LGALS8: variants seen among roughly 807,000 people sequenced by gnomAD.
LGALS8 encodes galectin-8.
Under a neutral mutation model 35.9 loss-of-function variants are expected in LGALS8, and 30 were observed. The observed-to-expected ratio is 0.83, with a 90% CI of 0.62 to 1.13. LGALS8 has a LOEUF of 1.13. Ranked by LOEUF, LGALS8 falls within the 50% of genes most tolerant of loss-of-function variation. The probability of loss-of-function intolerance (pLI) is 0.00; values close to 1 mark genes in which losing one functional copy is unlikely to be tolerated. For missense variants in LGALS8, 366 were observed against 388.7 expected, an observed-to-expected ratio of 0.94 and a Z score of 0.49; for synonymous variants, 138 against 136.1, an observed-to-expected ratio of 1.01 and a Z score of -0.10.
intron 8 of LGALS8, among the ~76,000 whole-genome samples, chr1:236,543,950 C>T (rs971941732): frequency 1.5e-3 from 220 of 147,566 alleles, no homozygotes; most frequent in Middle Eastern, 3.4e-3. Flanking sequence ...AACATCTTTT[C>T]TTTTTTTTTT....
intron 1 of LGALS8, 154 bp downstream of exon 1, chr1:236,524,215 C>T: frequency 2.2e-6 from 1 of 456,466 alleles, no homozygotes; most frequent in South Asian, 1.5e-5. Context: ...CCCGACCCGC[C>T]GGTCCTCACC....
Position 236,526,113 on chromosome 1 carries a change from C to A in LGALS8, c.43C>A (p.Pro15Thr). ...LNNLQNIIYN[P>T]VIPFVGTIPD... ...CAACCTACAGAATATCATCTATAAC[C>A]CGGTAACTGATTTCTATAAGATAAC... Residue 15 changes from proline (P) to threonine (T), a missense_variant and splice_region_variant, in exon 2 of 10, where the codon CCG (proline) becomes ACG (threonine). Physicochemically the swap from Pro to Thr is conservative, Grantham distance 38. Transcript: ENST00000366584. The surrounding 1 kb of genome is among the most constrained non-coding windows in gnomAD (Gnocchi z 4.6). 6.2e-7 allele frequency: 1 copy of A among 1,603,286 alleles called. No homozygotes were observed. Among genetic ancestry groups the A allele is most frequent in the Non-Finnish European group, 8.5e-7 (1 of 1,170,716 alleles).
At chr1:236,545,961 G>A (rs1662337254) in intron 9 of LGALS8, among the ~76,000 whole-genome samples, 1 of 152,194 alleles carries the variant, frequency 6.6e-6, no homozygotes. Flanking sequence ...GGGAAACAGA[G>A]GTGAGTGCTC....
At chr1:236,545,796 G>A (rs1024087618) in intron 9 of LGALS8, among the ~76,000 whole-genome samples, 2 of 152,104 alleles carry the variant, frequency 1.3e-5, no homozygotes, top group African/African-American at 2.4e-5. Context: ...TATTGGTTTG[G>A]AATTCAGAAA....
intron 2 of LGALS8, among the ~76,000 whole-genome samples, chr1:236,528,708 A>AT (rs1389830918): frequency 6.7e-6 from 1 of 149,490 alleles, no homozygotes; most frequent in African/African-American, 2.5e-5. Flanking sequence ...TAATTTTTGT[A>AT]TTTTTTTTGG....
intron 2 of LGALS8, among the ~76,000 whole-genome samples, chr1:236,536,002 A>G (rs990477780): frequency 6.6e-6 from 1 of 152,212 alleles, no homozygotes; most frequent in Non-Finnish European, 1.5e-5. Context: ...GTTCTGCCCC[A>G]TGCAGCTCAC....
upstream of LGALS8, among the ~76,000 whole-genome samples, chr1:236,521,429 T>C (rs769253437): frequency 2.2e-4 from 34 of 151,812 alleles, no homozygotes; most frequent in Non-Finnish European, 4.0e-4. Context: ...GCAGAAAAAG[T>C]GAGAAGGAAA....
chr1:236,536,408 G>A (rs1226810623), intron 2 of LGALS8: 1 of 152,364 alleles, frequency 6.6e-6, no homozygotes, highest in African/African-American at 2.4e-5. Context: ...GTCATCTCTG[G>A]GGAAGGGGAA....
At chr1:236,537,033 T>TTTTTTTTTTTTTTTTG in intron 2 of LGALS8, among the ~76,000 whole-genome samples, 1 of 149,540 alleles carries the variant, frequency 6.7e-6, no homozygotes, top group African/African-American at 2.5e-5. Context: ...TTTTTTTTTT[T>TTTTTTTTTTTTTTTTG]TGAGACGGAG....
At position 236,526,431 on chromosome 1, in the gene LGALS8, T is replaced by C. The variant is rs934987056; in HGVS notation, c.45+316T>C. The C allele has an allele frequency of 1.4e-5, 3 of 214,140 alleles. No individual in the cohort carries two copies. The highest frequency in any genetic ancestry group is 6.8e-5 in the African/African-American group (3 of 44,070). The allele number at this position is 214,140 out of a possible 1,614,324, so 13.3% of individuals were successfully genotyped here. ...ATAAATTGTAGTTTTTAAAGGAAAA[T>C]GGATTTCTTACTCTACAAGTTTTTC... On this transcript the variant is annotated intron_variant, in intron 2 of 9. Transcript: ENST00000366584. The surrounding 1 kb of genome is among the most constrained non-coding windows in gnomAD (Gnocchi z 4.6).
chr1:236,532,013 T>C (rs1158562782), intron 2 of LGALS8, among the ~76,000 whole-genome samples: 3 of 152,156 alleles, frequency 2.0e-5, no homozygotes, highest in Admixed American at 6.5e-5. Flanking sequence ...ACTTGTGAAA[T>C]GTGGACTGCC....
In LGALS8 at chr1:236,551,003, A is replaced by AAAAAAAAAAAC; in HGVS notation, c.*2849_*2850insAAACAAAAAAA. ...TCTTCACATTCATCTAAAAAAAAAA[A>AAAAAAAAAAAC]AAAAAAATCAAAATTAAAATCTGAG... On this transcript the variant is annotated 3_prime_UTR_variant, in exon 10 of 10. Transcript: ENST00000366584. The AAAAAAAAAAAC allele has an allele frequency of 6.4e-7, 1 of 1,558,882 alleles. No homozygotes were observed. Among genetic ancestry groups the AAAAAAAAAAAC allele is most frequent in the Non-Finnish European group, 8.7e-7 (1 of 1,150,688 alleles).
chr1:236,542,668 G>A (rs570668210), intron 6 of LGALS8, 93 bp from the exon 7 acceptor site: 19 of 1,369,346 alleles, frequency 1.4e-5, no homozygotes, highest in Admixed American at 5.0e-5. Context: ...CCCAGGCTCC[G>A]GCCAGGCTCA....
In LGALS8 at chr1:236,543,045, G is replaced by A. The variant is rs149291953; in HGVS notation, c.549+258G>A. ...CCTATGAACTATGTGTCAAAGGTTT[G>A]AAGAGCACCAAATTTTCTTAACTCT... On this transcript the variant is annotated intron_variant, in intron 7 of 9. Transcript: ENST00000366584. 4.3e-6 allele frequency: 7 copies of A among 1,613,658 alleles called. No individual in the cohort carries two copies. In the African/African-American group the frequency reaches 8.0e-5, roughly 18 times the overall value.
At chr1:236,523,043 G>C (rs2252043), upstream of LGALS8, 123,981 of 152,224 alleles carry the variant, frequency 0.81, 50,633 homozygotes, top group Middle Eastern at 0.87. Flanking sequence ...GTCCCTAACA[G>C]AAAATAAACA....
intron 1 of LGALS8, chr1:236,524,550 A>G: frequency 2.5e-6 from 1 of 398,680 alleles, no homozygotes; most frequent in South Asian, 1.7e-5. Flanking sequence ...ATTTGACTGC[A>G]GTGTTAAACA....
chr1:236,536,395 G>A (rs1661505866), intron 2 of LGALS8: 1 of 152,380 alleles, frequency 6.6e-6, no homozygotes, highest in Non-Finnish European at 1.5e-5. Context: ...GGAAGACAGT[G>A]TAGTCATCTC....
intron 1 of LGALS8, chr1:236,524,289 A>C (rs1467406734): frequency 2.4e-5 from 11 of 456,652 alleles, no homozygotes; most frequent in South Asian, 1.7e-4. Context: ...CCGGGGCATA[A>C]GGGATTATCA....
intron 5 of LGALS8, 60 bp downstream of exon 5, chr1:236,540,743 A>G (rs1661939624): frequency 6.7e-7 from 1 of 1,489,008 alleles, no homozygotes; most frequent in Non-Finnish European, 9.0e-7. Flanking sequence ...GAGATGGTAG[A>G]AAAAATCTTC....
Sources: allele counts gnomAD v4.1 joint callset (sites outside exome capture counted in the v4.1 genomes callset), GRCh38; gene constraint gnomAD v4.1.1; non-coding constraint Gnocchi (gnomAD v3.1); transcripts MANE v1.5; gene names NCBI Gene and HGNC (gene_info 2026-07-23, HGNC 2026-07-21).